The following NAV2 variants were observed in gnomAD, a reference collection of about 807,000 sequenced individuals.
The protein encoded by NAV2 is helicase, APC down-regulated 1.
Under a neutral mutation model 223.2 loss-of-function variants are expected in NAV2, and 54 were observed. The ratio of observed to expected loss-of-function variants is 0.24; its 90% CI spans 0.19 to 0.30. NAV2 has a LOEUF of 0.30. NAV2 is among the 10% of genes least tolerant of loss of function. The pLI, the probability that NAV2 is intolerant of heterozygous loss-of-function variation, is 1.00. For synonymous variants in NAV2, 1,279 were observed against 1,239.3 expected, an observed-to-expected ratio of 1.03 and a Z score of -0.67; for missense variants, 2,806 against 3,147.5, an observed-to-expected ratio of 0.89 and a Z score of 2.60.
intron 1 of NAV2, among the ~76,000 whole-genome samples, chr11:19,496,847 A>T (rs1184051098): frequency 6.6e-6 from 1 of 152,200 alleles, no homozygotes; most frequent in Non-Finnish European, 1.5e-5. Flanking sequence ...CAGAAACAAA[A>T]CAAAACAAAC....
At chr11:19,597,996 G>A (rs541262526) in intron 1 of NAV2, among the ~76,000 whole-genome samples, 1 of 152,362 alleles carries the variant, frequency 6.6e-6, no homozygotes, top group East Asian at 1.9e-4. Flanking sequence ...GAGACCACGG[G>A]GCAGCTGGCC....
chr11:19,681,534 G>A (rs1015641782), intron 1 of NAV2, among the ~76,000 whole-genome samples: 1 of 152,098 alleles, frequency 6.6e-6, no homozygotes, highest in Non-Finnish European at 1.5e-5. Flanking sequence ...TTAATTATTT[G>A]GCATTAATGG....
At chr11:20,020,749 A>C (rs1211735146) in intron 11 of NAV2, among the ~76,000 whole-genome samples, 1 of 152,202 alleles carries the variant, frequency 6.6e-6, no homozygotes, top group African/African-American at 2.4e-5. Flanking sequence ...TCCATCTATT[A>C]AACCTCCAAT....
intron 17 of NAV2, among the ~76,000 whole-genome samples, chr11:20,052,152 C>T (rs1480792331): frequency 6.6e-6 from 1 of 152,236 alleles, no homozygotes; most frequent in Non-Finnish European, 1.5e-5. Flanking sequence ...CTTCACCCTG[C>T]ACTAAGCATT....
chr11:20,044,856 C>A, intron 13 of NAV2, 112 bp from the exon 14 acceptor site: 1 of 822,226 alleles, frequency 1.2e-6, no homozygotes. Context: ...TTTCCTCTGC[C>A]TCCCCAAGGG....
At chr11:19,500,715 T>G (rs1229539109) in intron 1 of NAV2, among the ~76,000 whole-genome samples, 2 of 152,214 alleles carry the variant, frequency 1.3e-5, no homozygotes, top group Admixed American at 6.5e-5. Context: ...TGCAATGCAC[T>G]TTAAGACTTA....
intron 11 of NAV2, among the ~76,000 whole-genome samples, chr11:20,001,023 G>A (rs1009698489): frequency 3.9e-5 from 6 of 152,122 alleles, no homozygotes; most frequent in East Asian, 3.9e-4. Flanking sequence ...TCACATACAG[G>A]ATAAAGTGCA....
chr11:19,624,259 C>T (rs1447602972), intron 1 of NAV2, among the ~76,000 whole-genome samples: 2 of 152,220 alleles, frequency 1.3e-5, no homozygotes, highest in Non-Finnish European at 2.9e-5. Flanking sequence ...AGATTTCAAA[C>T]TCCATGCTGG....
chr11:20,085,195 TAA>T (rs5790106), intron 26 of NAV2, among the ~76,000 whole-genome samples: 37 of 144,294 alleles, frequency 2.6e-4, no homozygotes, highest in Admixed American at 4.8e-4. Context: ...TGTCTCTATT[TAA>T]AAAAAAAAAA....
chr11:19,960,773 C>T (rs1222599812), intron 10 of NAV2, among the ~76,000 whole-genome samples: 2 of 152,026 alleles, frequency 1.3e-5, no homozygotes, highest in African/African-American at 4.8e-5. Context: ...GCCACCATGC[C>T]CAGTTAATTT....
intron 17 of NAV2, among the ~76,000 whole-genome samples, chr11:20,053,264 A>G (rs1423981576): frequency 6.7e-6 from 1 of 149,874 alleles, no homozygotes; most frequent in Non-Finnish European, 1.5e-5. Flanking sequence ...TTCACACGCT[A>G]CTTATGGGCA....
intron 3 of NAV2, among the ~76,000 whole-genome samples, chr11:19,853,805 T>C (rs1168740442): frequency 6.6e-6 from 1 of 152,038 alleles, no homozygotes; most frequent in Non-Finnish European, 1.5e-5. Flanking sequence ...TTTAGGACAC[T>C]GGGCTTAAAT....
At chr11:19,898,993 ACT>A (rs2042225691) in intron 6 of NAV2, among the ~76,000 whole-genome samples, 1 of 152,024 alleles carries the variant, frequency 6.6e-6, no homozygotes, top group South Asian at 2.1e-4. Flanking sequence ...CAAACTTTCT[ACT>A]CTCAAGATAC....
At chr11:19,563,645 G>A (rs572559660) in intron 1 of NAV2, among the ~76,000 whole-genome samples, 14 of 152,218 alleles carry the variant, frequency 9.2e-5, no homozygotes, top group South Asian at 4.1e-4. Context: ...ATTGAATCCC[G>A]GGTCTATGGG....
intron 3 of NAV2, among the ~76,000 whole-genome samples, chr11:19,860,035 C>T (rs1308813067): frequency 3.0e-5 from 3 of 100,746 alleles, no homozygotes; most frequent in East Asian, 3.0e-4. Context: ...GCTGGCCAGG[C>T]GGGGGGCTGA....
rs566533061 is a variant in NAV2 at position 19,443,235 on chromosome 11, T to C, written c.75+92208T>C. On this transcript the variant is annotated intron_variant, in intron 1 of 37. Transcript: ENST00000360655. ...CCTTCATGCCCTCTATGCCAGGCCT[T>C]ATCCTTGCTGAGTTGCTCCTCCACT... Among the ~76,000 whole-genome samples the C allele has an allele frequency of 2.6e-5, 4 of 152,314 alleles. No individual in the cohort carries two copies. In the South Asian group the frequency reaches 8.3e-4, roughly 32 times the overall value.
At chr11:20,111,119 G>GAACT (rs932918005) in intron 36 of NAV2, among the ~76,000 whole-genome samples, 1 of 152,308 alleles carries the variant, frequency 6.6e-6, no homozygotes, top group African/African-American at 2.4e-5. Flanking sequence ...TGCACTTGTG[G>GAACT]AACTGCTTGG....
chr11:19,948,598 G>C (rs770078951), intron 9 of NAV2, 93 bp from the exon 10 acceptor site: 8 of 1,329,336 alleles, frequency 6.0e-6, no homozygotes, highest in African/African-American at 3.0e-5. Context: ...TTATATATGA[G>C]GATTATTTCA....
intron 1 of NAV2, chr11:19,575,457 C>G (rs2045545404): frequency 6.5e-6 from 1 of 153,946 alleles, no homozygotes; most frequent in Non-Finnish European, 1.5e-5. Context: ...GTGCTCCACG[C>G]CTGGCCCTAG....
Sources: allele counts gnomAD v4.1 joint callset (sites outside exome capture counted in the v4.1 genomes callset), GRCh38; gene constraint gnomAD v4.1.1; transcripts MANE v1.5; gene names NCBI Gene and HGNC (gene_info 2026-07-23, HGNC 2026-07-21).